The following MAPT variants were observed in gnomAD, a reference collection of about 807,000 sequenced individuals.
MAPT encodes microtubule associated protein tau.
Under a neutral mutation model 67.9 loss-of-function variants are expected in MAPT, and 34 were observed. The ratio of observed to expected loss-of-function variants is 0.50; its 90% CI spans 0.38 to 0.67. The LOEUF (loss-of-function observed/expected upper bound fraction) is 0.67. MAPT is among the 30% of genes least tolerant of loss of function. MAPT has a pLI of 0.00. For synonymous variants in MAPT, 456 were observed against 464.5 expected (o/e 0.98, Z 0.23); for missense variants, 881 against 1,115.2 (o/e 0.79, Z 2.99).
At position 45,990,087 on chromosome 17, in the gene MAPT, A is replaced by G. The variant is rs763174827; in HGVS notation, c.1605+12A>G. ...AGATGAAACTCAAGGTAAGGAAACC[A>G]CCTTTGAAAAGAACCAGGCTGCTCT... On this transcript the variant is annotated intron_variant, in intron 7 of 12. Coordinates refer to ENST00000262410, the MANE Select transcript of MAPT (RefSeq NM_001377265.1). The G allele has an allele frequency of 1.9e-6, 3 of 1,613,174 alleles. No individual in the cohort carries two copies. In the African/African-American group the frequency reaches 4.0e-5, roughly 22 times the overall value.
intron 1 of MAPT, among the ~76,000 whole-genome samples, chr17:45,960,554 G>A (rs897813231): frequency 1.3e-5 from 2 of 152,218 alleles, no homozygotes; most frequent in African/African-American, 4.8e-5. Flanking sequence ...TCTGGGCAGA[G>A]GGATGATTTT....
In MAPT at chr17:46,005,968, C is replaced by T. The variant is rs2075380709; in HGVS notation, c.1999-4342C>T. On this transcript the variant is annotated intron_variant, in intron 9 of 12. Transcript: ENST00000262410. ...ACCTGAGAAAGTTGCGGAACCTCAG[C>T]GAGCCTCACATGGCCTCCTTGTCCT... 5.3e-5 allele frequency among the ~76,000 whole-genome samples: 8 copies of T among 152,304 alleles called. 1 individual carries two copies. The South Asian group carries it at 1.7e-3, about 32-fold the overall frequency.
rs760880105 is a variant in MAPT at position 45,989,879 on chromosome 17, C to T, written c.1409C>T (p.Thr470Ile). The change falls in exon 7 of 13, where the codon ACA becomes ATA. Residue 470 changes from threonine to isoleucine, a missense_variant and splice_region_variant. Physicochemically the swap from Thr to Ile is moderately conservative, Grantham distance 89. Transcript: ENST00000262410. ...GTGSDDKKAK[T>I]STRSSAKTLK... ...ATTTTATTTATGTTTATGTTTAAGA[C>T]ATCCACACGTTCCTCTGCTAAAACC... 1.9e-6 allele frequency: 3 copies of T among 1,613,500 alleles called. No homozygotes were observed. The highest frequency in any genetic ancestry group is 2.5e-6 in the Non-Finnish European group (3 of 1,179,404).
At chr17:45,902,388 G>A (rs777968015) in intron 1 of MAPT, among the ~76,000 whole-genome samples, 2 of 152,114 alleles carry the variant, frequency 1.3e-5, no homozygotes, top group Non-Finnish European at 2.9e-5. Flanking sequence ...CCTTATTTAG[G>A]ATATGTGATT....
At chr17:46,005,349 C>T (rs1048544406) in intron 9 of MAPT, among the ~76,000 whole-genome samples, 2 of 152,182 alleles carry the variant, frequency 1.3e-5, no homozygotes, top group Admixed American at 1.3e-4. Flanking sequence ...TCTAATGTTA[C>T]TCTTTACATT....
intron 2 of MAPT, among the ~76,000 whole-genome samples, chr17:45,963,708 C>A (rs899038736): frequency 2.6e-5 from 4 of 152,150 alleles, no homozygotes; most frequent in African/African-American, 9.7e-5. Flanking sequence ...GTGACCTCTG[C>A]TGGATATGTC....
At chr17:46,016,897 G>A (rs1158937972) in intron 11 of MAPT, among the ~76,000 whole-genome samples, 1 of 152,240 alleles carries the variant, frequency 6.6e-6, no homozygotes, top group Admixed American at 6.5e-5. Flanking sequence ...AACATGGCTG[G>A]TACAGTTGAG....
intron 11 of MAPT, among the ~76,000 whole-genome samples, chr17:46,017,277 CTTAT>C (rs1327093195): frequency 2.0e-5 from 3 of 151,908 alleles, no homozygotes; most frequent in Non-Finnish European, 2.9e-5. Context: ...AGAAAGGGTC[CTTAT>C]TTATTTATTT....
chr17:45,960,347 G>T (rs2070247965), intron 1 of MAPT, among the ~76,000 whole-genome samples: 1 of 152,250 alleles, frequency 6.6e-6, no homozygotes, highest in Admixed American at 6.5e-5. Flanking sequence ...CAGCCAGGAG[G>T]ATTGGGCTCA....
intron 9 of MAPT, among the ~76,000 whole-genome samples, chr17:46,002,745 C>T (rs1282769939): frequency 6.6e-6 from 1 of 152,124 alleles, no homozygotes; most frequent in Non-Finnish European, 1.5e-5. Flanking sequence ...TGGTTCTGGG[C>T]CGCAGCCTGG....
At chr17:46,000,725 C>A (rs551695566) in intron 9 of MAPT, among the ~76,000 whole-genome samples, 1 of 152,172 alleles carries the variant, frequency 6.6e-6, no homozygotes, top group South Asian at 2.1e-4. Context: ...ACTGCGGCCT[C>A]CTGTGCACCC....
chr17:46,024,483 T>TC lies in MAPT; in HGVS notation c.*317dup, dbSNP rs55658521. ...GCAATTCCTTTTGATTCTTTTTTCTTCCCCCTCCATGTAGAAGAGGGAGAA... is the reference window on the plus strand; with the variant it reads ...GCAATTCCTTTTGATTCTTTTTTCTTCCCCCCTCCATGTAGAAGAGGGAGAA... On this transcript the variant is annotated 3_prime_UTR_variant, in exon 13 of 13. Coordinates refer to ENST00000262410, the MANE Select transcript of MAPT (RefSeq NM_001377265.1). The TC allele has an allele frequency of 0.15, 65,467 of 448,060 alleles. 6,368 individuals carry two copies. The highest frequency in any genetic ancestry group is 0.2 in the Non-Finnish European group (47,580 of 241,162). The allele number at this position is 448,060 out of a possible 1,614,324, so 27.8% of individuals were successfully genotyped here. A position where few individuals can be genotyped will look rare whatever the true frequency, so the allele number is the denominator to read the frequency against.
chr17:45,985,744 C>A, intron 5 of MAPT: 3 of 985,290 alleles, frequency 3.0e-6, no homozygotes, highest in Non-Finnish European at 3.6e-6. Context: ...ACAAAGAACA[C>A]GTGAGTCAGA....
At chr17:45,926,513 A>G (rs570175007) in intron 1 of MAPT, among the ~76,000 whole-genome samples, 51 of 151,874 alleles carry the variant, frequency 3.4e-4, no homozygotes, top group African/African-American at 9.4e-4. Flanking sequence ...GGTGTTTACT[A>G]TGTTGCCCAG....
intron 7 of MAPT, among the ~76,000 whole-genome samples, chr17:45,990,853 C>G (rs1288566611): frequency 6.6e-6 from 1 of 152,182 alleles, no homozygotes; most frequent in Non-Finnish European, 1.5e-5. Flanking sequence ...CTGCCCTAGT[C>G]CCTAGACTGT....
rs1160420260 is a variant in MAPT, at chr17:45,941,688, T to C, written c.-17-20633T>C. Among the ~76,000 whole-genome samples the C allele has an allele frequency of 4.7e-3, 274 of 58,448 alleles. 5 individuals carry two copies. The highest frequency in any genetic ancestry group is 0.023 in the East Asian group (43 of 1,880). The allele number at this position is 58,448 out of a possible 152,430, so 38.3% of individuals were successfully genotyped here. ...CCCCCTTCCCCCCTTCCCTCCTTCC[T>C]TCCTTCCTTCCTGCCTGCCTTCCTT... is the stretch of plus-strand genomic sequence containing the variant. On this transcript the variant is annotated intron_variant, in intron 1 of 12. Coordinates refer to ENST00000262410, the MANE Select transcript of MAPT (RefSeq NM_001377265.1).
At chr17:45,941,737 T>TCCTTCCTGCCTTCCTTCCTTCCTG (rs2068009052) in intron 1 of MAPT, among the ~76,000 whole-genome samples, 1 of 131,648 alleles carries the variant, frequency 7.6e-6, no homozygotes, top group Non-Finnish European at 1.7e-5. Flanking sequence ...CTTCCTTCCT[T>TCCTTCCTGCCTTCCTTCCTTCCTG]CCTTCCTTCC....
intron 3 of MAPT, chr17:45,974,149 T>C: frequency 1.7e-6 from 1 of 577,678 alleles, no homozygotes; most frequent in Non-Finnish European, 3.1e-6. Context: ...GCTGCCGGGC[T>C]TTCCTGGTGG....
chr17:45,959,668 C>T (rs1568235719), intron 1 of MAPT, among the ~76,000 whole-genome samples: 1 of 152,204 alleles, frequency 6.6e-6, no homozygotes, highest in East Asian at 1.9e-4. Context: ...GTAATCCCAG[C>T]TACTCGGGAG....
Sources: gnomAD v4.1 joint callset for allele counts (sites outside exome capture counted in the v4.1 genomes callset) on GRCh38, gnomAD v4.1.1 for gene constraint, MANE v1.5 for transcripts, NCBI Gene and HGNC (gene_info 2026-07-23, HGNC 2026-07-21) for gene names.